Variants in MAGED1 observed in about 807,000 individuals in gnomAD.
MAGED1 encodes MAGE family member D1.
A neutral mutation model predicts 54.1 loss-of-function variants in MAGED1; 3 were observed. The ratio of observed to expected loss-of-function variants is 0.06; its 90% CI spans 0.03 to 0.14. MAGED1 has a LOEUF of 0.14. MAGED1 is among the 10% of genes least tolerant of loss of function. MAGED1 has a pLI of 1.00. For missense variants in MAGED1, 485 were observed against 623.4 expected (o/e 0.78, Z 2.36); for synonymous variants, 217 against 227.3 (o/e 0.95, Z 0.41).
intron 1 of MAGED1, among the ~76,000 whole-genome samples, chrX:51,826,553 T>G (rs1291344166): frequency 9.0e-6 from 1 of 111,461 alleles, no homozygotes; most frequent in Non-Finnish European, 1.9e-5. Flanking sequence ...TGAAATAAAC[T>G]GATTAAAAAA....
intron 1 of MAGED1, among the ~76,000 whole-genome samples, chrX:51,875,413 C>T (rs556957775): frequency 3.2e-4 from 36 of 111,537 alleles, no homozygotes; most frequent in African/African-American, 1.1e-3. Flanking sequence ...CCTTGTTGCT[C>T]CACAAACTGG....
intron 9 of MAGED1, 76 bp downstream of exon 9, chrX:51,898,403 A>T: frequency 8.8e-7 from 1 of 1,134,209 alleles, no homozygotes; most frequent in Non-Finnish European, 1.2e-6. Context: ...GGATTGCATT[A>T]ACCTGGGGGT....
Position 51,897,225 on chromosome X carries a change from G to A in MAGED1, c.1440G>A (p.Lys480=), listed in dbSNP as rs1557364428. 8.3e-7 allele frequency: 1 copy of A among 1,210,598 alleles called. No homozygotes were observed. ...CCTCCCAGGCAAATAAGTTGGTCAAGTACTTGATGCTTAAGGACTACACAA... is the reference window on the plus strand; with the variant it reads ...CCTCCCAGGCAAATAAGTTGGTCAAATACTTGATGCTTAAGGACTACACAA... ...LLQERANKLV[K]YLMLKDYTKV... The change falls in exon 5 of 13, where the codon AAG becomes AAA. Residue 480 remains lysine (K), a synonymous_variant. Coordinates refer to ENST00000326587, the MANE Select transcript of MAGED1 (RefSeq NM_006986.4).
At chrX:51,868,470 G>T (rs1052005366) in intron 1 of MAGED1, among the ~76,000 whole-genome samples, 2 of 111,406 alleles carry the variant, frequency 1.8e-5, no homozygotes, top group Non-Finnish European at 3.8e-5. Flanking sequence ...GTGGAGGTAT[G>T]TGGCCAAGGT....
chrX:51,812,809 C>T (rs782091527), intron 1 of MAGED1, among the ~76,000 whole-genome samples: 13 of 110,671 alleles, frequency 1.2e-4, no homozygotes, highest in African/African-American at 3.9e-4. Flanking sequence ...TAACTCTATA[C>T]TTAACTCTTT....
At chrX:51,891,121 T>A (rs1255795222), upstream of MAGED1, among the ~76,000 whole-genome samples, 3 of 112,175 alleles carry the variant, frequency 2.7e-5, no homozygotes, top group Non-Finnish European at 5.6e-5. Context: ...TCAAATAAGA[T>A]AATTCAGACA....
chrX:51,869,194 TGTA>T (rs1371954041), intron 1 of MAGED1, among the ~76,000 whole-genome samples: 5 of 111,059 alleles, frequency 4.5e-5, no homozygotes, highest in African/African-American at 1.6e-4. Context: ...TGCGTAATGG[TGTA>T]GTGTAGGGAT....
Position 51,896,522 on chromosome X carries a change from C to A in MAGED1, c.867C>A (p.Gly289=). ...PVPVTTQNPP[G]APPNVLWQTP... ...CAGTGACCACTCAGAACCCACCTGG[C>A]GCACCCCCCAATGTGCTCTGGCAGA... The change falls in exon 4 of 13, where the codon GGC becomes GGA. Residue 289 remains glycine (G), a synonymous_variant. Coordinates refer to ENST00000326587, the MANE Select transcript of MAGED1 (RefSeq NM_006986.4). 4.1e-6 allele frequency: 5 copies of A among 1,211,618 alleles called. No individual in the cohort carries two copies. Among genetic ancestry groups the A allele is most frequent in the Non-Finnish European group, 5.6e-6 (5 of 895,371 alleles).
intron 1 of MAGED1, among the ~76,000 whole-genome samples, chrX:51,881,770 T>C (rs1327833305): frequency 9.0e-6 from 1 of 111,680 alleles, no homozygotes; most frequent in African/African-American, 3.3e-5. Context: ...CATTATCTTA[T>C]TTTTCCTTAT....
At chrX:51,881,403 T>G (rs1421719998) in intron 1 of MAGED1, among the ~76,000 whole-genome samples, 2 of 104,419 alleles carry the variant, frequency 1.9e-5, no homozygotes, top group Admixed American at 2.0e-4. Flanking sequence ...CTCTTGCTTT[T>G]TCTTTTTCTT....
Position 51,895,536 on chromosome X carries a change from C to A in MAGED1, c.529C>A (p.Pro177Thr). The A allele has an allele frequency of 8.3e-7, 1 of 1,211,180 alleles. No individual in the cohort carries two copies. Among genetic ancestry groups the A allele is most frequent in the Admixed American group, 2.2e-5 (1 of 46,037 alleles). The change falls in exon 3 of 13, where the codon CCT (proline) becomes ACT (threonine). Residue 177 changes from proline (P) to threonine (T), a missense_variant. Pro to Thr is a conservative substitution (Grantham distance 38). Transcript: ENST00000326587. ...LNANDLANSR[P>T]KTPFKAWNDT... is the part of the protein sequence containing the mutation. ...TGCCAATGACCTGGCCAACAGCAGG[C>A]CTAAGACCCCTTTCAAGGCTTGGAA...
intron 10 of MAGED1, 79 bp downstream of exon 10, chrX:51,898,722 G>T (rs1928874648): frequency 8.5e-6 from 8 of 945,509 alleles, no homozygotes; most frequent in Non-Finnish European, 1.2e-5. Context: ...GCCCTTCCTG[G>T]CTGGATACAA....
At chrX:51,806,744 G>A (rs1925048586) in intron 1 of MAGED1, among the ~76,000 whole-genome samples, 1 of 110,637 alleles carries the variant, frequency 9.0e-6, no homozygotes, top group Admixed American at 9.6e-5. Flanking sequence ...AGTAAATACT[G>A]CCAGCCAGCT....
At chrX:51,834,518 C>T (rs782209610) in intron 1 of MAGED1, among the ~76,000 whole-genome samples, 1 of 112,134 alleles carries the variant, frequency 8.9e-6, no homozygotes, top group African/African-American at 3.2e-5. Flanking sequence ...TGGAGTCCAT[C>T]CTGTCCTTGT....
At chrX:51,823,516 T>G (rs1215610144) in intron 1 of MAGED1, among the ~76,000 whole-genome samples, 4 of 111,957 alleles carry the variant, frequency 3.6e-5, no homozygotes, top group African/African-American at 1.3e-4. Flanking sequence ...TTTGTGCCTT[T>G]GAATCTAAAA....
chrX:51,892,108 T>C, upstream of MAGED1, among the ~76,000 whole-genome samples: 1 of 112,637 alleles, frequency 8.9e-6, no homozygotes. Flanking sequence ...AAATGTGAAC[T>C]GCACAAAGAT....
At chrX:51,888,747 A>G (rs186099133), upstream of MAGED1, among the ~76,000 whole-genome samples, 2 of 112,057 alleles carry the variant, frequency 1.8e-5, no homozygotes, top group African/African-American at 3.2e-5. Flanking sequence ...GGTTAAACCA[A>G]CTGTTGTAGC....
intron 1 of MAGED1, among the ~76,000 whole-genome samples, chrX:51,853,731 A>C (rs1331288664): frequency 1.8e-5 from 2 of 112,257 alleles, no homozygotes; most frequent in African/African-American, 6.5e-5. Context: ...CTTTTCTTTC[A>C]TCAAGATTTT....
rs1928672377 is a variant in MAGED1, at chrX:51,895,080, T to C, written c.73T>C (p.Leu25=). The change falls in exon 3 of 13, where the codon TTG becomes CTG. Residue 25 remains leucine (L), a synonymous_variant. Coordinates refer to ENST00000326587, the MANE Select transcript of MAGED1 (RefSeq NM_006986.4). ...TGAGGCCTCCGTAGAAGACAGCGCCTTGCTTATGCAGACCTTGATGGAGGC... is the reference window on the plus strand; with the variant it reads ...TGAGGCCTCCGTAGAAGACAGCGCCCTGCTTATGCAGACCTTGATGGAGGC... The part of the protein sequence containing the change: ...QAEASVEDSA[L]LMQTLMEAIQ... The C allele has an allele frequency of 1.7e-6, 2 of 1,209,277 alleles. No homozygotes were observed. Among genetic ancestry groups the C allele is most frequent in the Admixed American group, 4.4e-5 (2 of 45,777 alleles).
Sources: allele counts gnomAD v4.1 joint callset (sites outside exome capture counted in the v4.1 genomes callset), GRCh38; gene constraint gnomAD v4.1.1; transcripts MANE v1.5; gene names NCBI Gene and HGNC (gene_info 2026-07-23, HGNC 2026-07-21).